The following RHOA variants were observed in gnomAD, a reference collection of about 807,000 sequenced individuals.
RHOA encodes ras homolog family member A.
RHOA carries 3 observed loss-of-function variants against 17.5 expected under a neutral mutation model. The ratio of observed to expected loss-of-function variants is 0.17; its 90% CI spans 0.08 to 0.44. The LOEUF (loss-of-function observed/expected upper bound fraction) is 0.44. Ranked by LOEUF, RHOA falls within the 20% of genes least tolerant of loss-of-function variation. The pLI is 0.99. For missense variants in RHOA, 56 were observed against 242.3 expected, an observed-to-expected ratio of 0.23 and a Z score of 5.10; for synonymous variants, 98 against 88.4, an observed-to-expected ratio of 1.11 and a Z score of -0.61.
chr3:49,409,577 C>T (rs2048898159), intron 1 of RHOA, among the ~76,000 whole-genome samples: 1 of 152,064 alleles, frequency 6.6e-6, no homozygotes, highest in African/African-American at 2.4e-5. Flanking sequence ...TCAGAGTTAA[C>T]ATATATCTCT....
intron 1 of RHOA, among the ~76,000 whole-genome samples, chr3:49,393,670 CTCTCTCTGTGTGTG>C (rs1559512125): frequency 0.097 from 9,404 of 97,084 alleles, 648 homozygotes; most frequent in Non-Finnish European, 0.11. Context: ...GTCTCAAATT[CTCTCTCTGTGTGTG>C]TGTGTGTGTG....
chr3:49,400,255 T>C (rs935945672), intron 1 of RHOA, among the ~76,000 whole-genome samples: 50 of 148,350 alleles, frequency 3.4e-4, no homozygotes, highest in Admixed American at 7.4e-4. Context: ...AGAAGCATAC[T>C]GCCCCCCTCT....
At chr3:49,393,842 TG>T (rs2048566278) in intron 1 of RHOA, among the ~76,000 whole-genome samples, 1 of 151,258 alleles carries the variant, frequency 6.6e-6, no homozygotes, top group South Asian at 2.1e-4. Context: ...CCTGAGTAGC[TG>T]GGATTACAGG....
At chr3:49,367,541 C>CTCA (rs1309468859) in intron 3 of RHOA, among the ~76,000 whole-genome samples, 4 of 151,692 alleles carry the variant, frequency 2.6e-5, no homozygotes, top group African/African-American at 9.7e-5. Flanking sequence ...ATCTAGTTTG[C>CTCA]TCATCTTTTT....
chr3:49,400,732 T>G (rs1575282874), intron 1 of RHOA, among the ~76,000 whole-genome samples: 1 of 143,292 alleles, frequency 7.0e-6, no homozygotes. Context: ...AAAGGTGAGG[T>G]GGGGGGATGG....
intron 1 of RHOA, among the ~76,000 whole-genome samples, chr3:49,400,227 CAA>C (rs11360593): frequency 2.6e-4 from 36 of 136,882 alleles, no homozygotes; most frequent in Admixed American, 1.1e-3. Context: ...AAAAAAAAAA[CAA>C]AAAAAACGAA....
At chr3:49,377,525 G>A (rs2048248245) in intron 1 of RHOA, among the ~76,000 whole-genome samples, 1 of 151,520 alleles carries the variant, frequency 6.6e-6, no homozygotes, top group Non-Finnish European at 1.5e-5. Flanking sequence ...CCCTGGAGGT[G>A]GAAGCTGCAG....
rs2048944206 is a variant in RHOA at position 49,411,825 on chromosome 3, G to A, written c.-8C>T. 1 of 152,044 alleles carries A rather than the reference G, an allele frequency of 6.6e-6. No homozygotes were observed. Among genetic ancestry groups the A allele is most frequent in the Non-Finnish European group, 1.5e-5 (1 of 67,992 alleles). 9.4% of individuals were successfully genotyped at this position (152,044 alleles called of 1,614,324 possible). On this transcript the variant is annotated 5_prime_UTR_variant, in exon 1 of 5. Transcript: ENST00000418115. ...GAGGGAACCCTTCCGCTCACCTCAG[G>A]CAACGAATCCGAGTCCAGCCTCTTC...
In RHOA at chr3:49,380,711, AATAATAAT is replaced by A. The variant is rs1465445109; in HGVS notation, c.-2-5128_-2-5121del. ...TAATAATAATAATAATAATAATAAT[AATAATAAT>A]AAATACTCATTATCAAAACTATATT... On this transcript the variant is annotated intron_variant, in intron 1 of 4. Transcript: ENST00000418115. 6.9e-5 allele frequency among the ~76,000 whole-genome samples: 10 copies of A among 144,038 alleles called. No individual in the cohort carries two copies. The South Asian group carries it at 1.1e-3, about 15-fold the overall frequency. The allele number at this position is 144,038 out of a possible 152,430, so 94.5% of individuals were successfully genotyped here.
Position 49,359,553 on chromosome 3 carries a change from A to C in RHOA, c.*656T>G, listed in dbSNP as rs1024833294. On this transcript the variant is annotated 3_prime_UTR_variant, in exon 5 of 5. Transcript: ENST00000418115. ...ACTTTCTTTTTTAAAAAACCAATACACTTTCTTTGAGGATGACAGTATTAG... is the reference window on the plus strand; with the variant it reads ...ACTTTCTTTTTTAAAAAACCAATACCCTTTCTTTGAGGATGACAGTATTAG... 2 of 203,694 alleles carry C rather than the reference A, an allele frequency of 9.8e-6. No individual in the cohort carries two copies. Among genetic ancestry groups the C allele is most frequent in the Admixed American group, 6.0e-5 (1 of 16,708 alleles). The allele number at this position is 203,694 out of a possible 1,614,324, so 12.6% of individuals were successfully genotyped here.
chr3:49,373,897 C>T (rs2048183939), intron 2 of RHOA, among the ~76,000 whole-genome samples: 1 of 150,944 alleles, frequency 6.6e-6, no homozygotes, highest in African/African-American at 2.4e-5. Flanking sequence ...AAAAACAAAC[C>T]AAAACCAAAA....
intron 2 of RHOA, among the ~76,000 whole-genome samples, chr3:49,375,010 C>A (rs1335714644): frequency 2.0e-5 from 3 of 151,962 alleles, no homozygotes; most frequent in African/African-American, 7.2e-5. Context: ...GTGGCTCACT[C>A]CTGTAATCCC....
chr3:49,368,661 G>C (rs1249874782), intron 2 of RHOA, 113 bp from the exon 3 acceptor site: 1 of 1,131,918 alleles, frequency 8.8e-7, no homozygotes, highest in African/African-American at 1.6e-5. Context: ...AATGGCAGAC[G>C]GTCTAAAACA....
At chr3:49,405,053 T>A (rs1411741134) in intron 1 of RHOA, among the ~76,000 whole-genome samples, 1 of 148,330 alleles carries the variant, frequency 6.7e-6, no homozygotes, top group Admixed American at 6.7e-5. Flanking sequence ...ATCGGGACCA[T>A]CCTGGCTAAC....
intron 1 of RHOA, among the ~76,000 whole-genome samples, chr3:49,407,485 A>C (rs62261211): frequency 6.6e-6 from 1 of 152,000 alleles, no homozygotes; most frequent in East Asian, 1.9e-4. Flanking sequence ...CCACCTGCCC[A>C]GCACTTCCAA....
intron 1 of RHOA, among the ~76,000 whole-genome samples, chr3:49,405,150 C>T (rs1467158031): frequency 6.9e-6 from 1 of 145,900 alleles, no homozygotes; most frequent in Non-Finnish European, 1.5e-5. Flanking sequence ...CTCAGCTACT[C>T]AGGAGGCTGA....
intron 1 of RHOA, among the ~76,000 whole-genome samples, chr3:49,410,817 C>G (rs150421939): frequency 1.3e-5 from 2 of 152,122 alleles, no homozygotes. Context: ...CTGCAAGAAA[C>G]GTTTAAGACT....
intron 2 of RHOA, among the ~76,000 whole-genome samples, chr3:49,373,810 A>G (rs1041324515): frequency 2.7e-5 from 4 of 146,734 alleles, no homozygotes; most frequent in East Asian, 2.0e-4. Flanking sequence ...TATTTAAGAG[A>G]AAAAAAAAAA....
At chr3:49,383,886 C>T (rs1210378052) in intron 1 of RHOA, among the ~76,000 whole-genome samples, 2 of 152,012 alleles carry the variant, frequency 1.3e-5, no homozygotes, top group African/African-American at 4.8e-5. Flanking sequence ...AAAAATTAGC[C>T]GGGCATGGTG....
Sources: gnomAD v4.1 joint callset for allele counts (sites outside exome capture counted in the v4.1 genomes callset) on GRCh38, gnomAD v4.1.1 for gene constraint, MANE v1.5 for transcripts, NCBI Gene and HGNC (gene_info 2026-07-23, HGNC 2026-07-21) for gene names.